The following MRS2 variants were observed in gnomAD, a reference collection of about 807,000 sequenced individuals.
MRS2 encodes the protein magnesium transporter MRS2 homolog, mitochondrial.
A neutral mutation model predicts 52.6 loss-of-function variants in MRS2; 40 were observed. The observed-to-expected ratio is 0.76, with a 90% CI of 0.59 to 0.99. The LOEUF (loss-of-function observed/expected upper bound fraction) is 0.99, where lower values mean the gene tolerates loss of function less well. Among genes scored for constraint, MRS2 ranks in the 50% least tolerant of loss-of-function variants. The probability of loss-of-function intolerance (pLI) is 0.00; values close to 1 mark genes in which losing one functional copy is unlikely to be tolerated. For missense variants in MRS2, 472 were observed against 532.7 expected (o/e 0.89, Z 1.12); for synonymous variants, 193 against 195.9 (o/e 0.98, Z 0.13).
Position 24,424,589 on chromosome 6 carries a change from A to G in MRS2, c.*895A>G, listed in dbSNP as rs1275593626. ...CTCATTTCCACAGAGATTTGGGTTTAAAACAAATGGCTAATATTTGTAAGC... is the reference window on the plus strand; with the variant it reads ...CTCATTTCCACAGAGATTTGGGTTTGAAACAAATGGCTAATATTTGTAAGC... On this transcript the variant is annotated 3_prime_UTR_variant, in exon 11 of 11. Coordinates refer to ENST00000378386, the MANE Select transcript of MRS2 (RefSeq NM_020662.4). 1 of 152,204 alleles carries G rather than the reference A, an allele frequency of 6.6e-6. No individual in the cohort carries two copies. The allele number at this position is 152,204 out of a possible 1,614,324, so 9.4% of individuals were successfully genotyped here.
intron 7 of MRS2, among the ~76,000 whole-genome samples, 165 bp from the exon 8 acceptor site, chr6:24,417,919 G>A (rs1038479066): frequency 6.7e-6 from 1 of 148,630 alleles, no homozygotes; most frequent in Non-Finnish European, 1.5e-5. Context: ...TCCAGCCTGG[G>A]AGCAGAGTGA....
intron 4 of MRS2, chr6:24,410,771 CAG>C (rs1761621761): frequency 2.0e-6 from 3 of 1,529,006 alleles, no homozygotes; most frequent in Non-Finnish European, 2.6e-6. Context: ...TTCTTCAAAA[CAG>C]TGTCTCTTTC....
intron 1 of MRS2, among the ~76,000 whole-genome samples, chr6:24,404,526 G>C (rs1581692873): frequency 6.6e-6 from 1 of 152,200 alleles, no homozygotes; most frequent in African/African-American, 2.4e-5. Flanking sequence ...ACAAAACAGT[G>C]TCCTCTGTCA....
At chr6:24,418,280 T>C (rs1167692023) in intron 8 of MRS2, 44 bp downstream of exon 8, 2 of 1,380,856 alleles carry the variant, frequency 1.4e-6, no homozygotes, top group African/African-American at 2.9e-5. Flanking sequence ...AATAAAATAA[T>C]TATAAGAAAG....
In MRS2 at chr6:24,412,308, C is replaced by G; in HGVS notation, c.501C>G (p.Leu167=). 1 of 1,604,130 alleles carries G rather than the reference C, an allele frequency of 6.2e-7. No homozygotes were observed. The highest frequency in any genetic ancestry group is 2.3e-5 in the East Asian group (1 of 44,236). The change falls in exon 5 of 11, where the codon CTC becomes CTG. Residue 167 remains leucine, a synonymous_variant. Transcript: ENST00000378386. ...TAGAGCAATGGCTGTTCCGGGAACT[C>G]CCTTCACAGTTGTCTGGAGAGGGTC... ...LNLEQWLFRE[L]PSQLSGEGQL... is the part of the protein sequence containing the mutation.
Position 24,405,259 on chromosome 6 carries a change from A to G in MRS2, c.264+18A>G. The G allele has an allele frequency of 6.3e-7, 1 of 1,586,776 alleles. No homozygotes were observed. The highest frequency in any genetic ancestry group is 8.6e-7 in the Non-Finnish European group (1 of 1,157,614). On this transcript the variant is annotated intron_variant, in intron 2 of 10. Coordinates refer to ENST00000378386, the MANE Select transcript of MRS2 (RefSeq NM_020662.4). The stretch of plus-strand genomic sequence containing the variant: ...TTACTGTGGTGAGTATGTACAGTAC[A>G]TTGGAAATCGTACAGAAAGTGCTTC...
intron 1 of MRS2, 135 bp from the exon 2 acceptor site, chr6:24,405,033 C>G (rs1342045669): frequency 1.7e-6 from 1 of 584,958 alleles, no homozygotes; most frequent in African/African-American, 1.9e-5. Context: ...AAGAGTATTT[C>G]TTCTTTTCTT....
chr6:24,405,527 C>T (rs1761438537), intron 2 of MRS2, among the ~76,000 whole-genome samples: 2 of 151,576 alleles, frequency 1.3e-5, no homozygotes, highest in South Asian at 2.1e-4. Flanking sequence ...AGATAATACG[C>T]AGGCAGAAGC....
chr6:24,409,467 A>G lies in MRS2; in HGVS notation c.308A>G (p.Lys103Arg). 6.3e-7 allele frequency: 1 copy of G among 1,597,056 alleles called. No homozygotes were observed. Among genetic ancestry groups the G allele is most frequent in the Non-Finnish European group, 8.6e-7 (1 of 1,168,592 alleles). ...KQGNVTSFER[K>R]KTELYQELGL... ...CTGTTTATTTCTTTTATAGAAAGGAAGAAAACTGAATTATACCAAGAGTTA... is the reference window on the plus strand; with the variant it reads ...CTGTTTATTTCTTTTATAGAAAGGAGGAAAACTGAATTATACCAAGAGTTA... The change falls in exon 4 of 11, where the codon AAG becomes AGG. Residue 103 changes from lysine (K) to arginine (R), a missense_variant. Physicochemically the swap from Lys to Arg is conservative, Grantham distance 26. Coordinates refer to ENST00000378386, the MANE Select transcript of MRS2 (RefSeq NM_020662.4).
chr6:24,404,313 A>T (rs972364597), intron 1 of MRS2, among the ~76,000 whole-genome samples: 8 of 152,234 alleles, frequency 5.3e-5, no homozygotes, highest in Non-Finnish European at 8.8e-5. Context: ...ACATTAAAAC[A>T]TTGAAAGGCA....
At chr6:24,418,672 GT>G (rs1761941130) in intron 9 of MRS2, 94 bp downstream of exon 9, 2 of 927,522 alleles carry the variant, frequency 2.2e-6, no homozygotes, top group Non-Finnish European at 3.4e-6. Context: ...GCTGAGGCAG[GT>G]GGATCACCTG....
At position 24,426,139 on chromosome 6, in the gene MRS2, A is replaced by G. The variant is rs1762230390; in HGVS notation, c.*2445A>G. The G allele has an allele frequency of 1.3e-5, 2 of 152,252 alleles. No individual in the cohort carries two copies. Among genetic ancestry groups the G allele is most frequent in the African/African-American group, 4.8e-5 (2 of 41,464 alleles). 9.4% of individuals were successfully genotyped at this position (152,252 alleles called of 1,614,324 possible). ...CAGATAGTAGCAAGACAGAAAATGC[A>G]AATATGTAAATGTCTTCTGATATCT... On this transcript the variant is annotated 3_prime_UTR_variant, in exon 11 of 11. Transcript: ENST00000378386.
chr6:24,415,072 C>T lies in MRS2; in HGVS notation c.628C>T (p.Leu210=), dbSNP rs1352795493. The change falls in exon 6 of 11, where the codon CTG becomes TTG. Residue 210 remains leucine (L), a synonymous_variant. Transcript: ENST00000378386. ...LQGKLSILQP[L]ILETLDALVD... ...GGGGAAACTTAGCATTTTGCAGCCA[C>T]TGATCCTTGAGACCTTGGATGCTTT... is the stretch of plus-strand genomic sequence containing the variant. 2 of 1,611,708 alleles carry T rather than the reference C, an allele frequency of 1.2e-6. No homozygotes were observed. Among genetic ancestry groups the T allele is most frequent in the Admixed American group, 3.3e-5 (2 of 59,994 alleles).
chr6:24,413,469 C>G (rs1400428322), intron 5 of MRS2, among the ~76,000 whole-genome samples: 1 of 152,132 alleles, frequency 6.6e-6, no homozygotes, highest in Admixed American at 6.5e-5. Context: ...CTCCCCAAAC[C>G]CACCTAAGGG....
rs766106797 is a variant in MRS2, at chr6:24,412,203, G to GGTT, written c.415-19_415-18insGTT. The GGTT allele has an allele frequency of 5.7e-6, 7 of 1,220,976 alleles. No homozygotes were observed. In the East Asian group the frequency reaches 1.8e-4, roughly 31 times the overall value. 75.6% of individuals were successfully genotyped at this position (1,220,976 alleles called of 1,614,324 possible). A position where few individuals can be genotyped will look rare whatever the true frequency, so the allele number is the denominator to read the frequency against. On this transcript the variant is annotated intron_variant, in intron 4 of 10. Transcript: ENST00000378386. ...TACACTCACATATTTATATGTTTTG[G>GGTT]TTTTTTTTTTTTTAACAGTATTTGA...
At chr6:24,409,651 C>T in intron 4 of MRS2, 78 bp downstream of exon 4, 1 of 871,814 alleles carries the variant, frequency 1.1e-6, no homozygotes, top group Non-Finnish European at 1.8e-6. Context: ...TGATTAGTAT[C>T]TAGGTTAAAA....
At chr6:24,407,221 G>A (rs1467773212) in intron 2 of MRS2, among the ~76,000 whole-genome samples, 5 of 152,044 alleles carry the variant, frequency 3.3e-5, no homozygotes, top group Non-Finnish European at 7.4e-5. Context: ...TTTCTGCAGT[G>A]GGTTTATGTA....
chr6:24,419,069 C>T (rs898820128), intron 9 of MRS2: 1 of 154,296 alleles, frequency 6.5e-6, no homozygotes, highest in Non-Finnish European at 1.4e-5. Flanking sequence ...AACCCTGTCT[C>T]TACTAAAAAT....
chr6:24,410,303 C>T (rs1248328742), intron 4 of MRS2, among the ~76,000 whole-genome samples: 2 of 152,044 alleles, frequency 1.3e-5, no homozygotes, highest in Non-Finnish European at 2.9e-5. Flanking sequence ...TAATGGAAAA[C>T]TTTCTGAAAT....
Sources: gnomAD v4.1 joint callset for allele counts (sites outside exome capture counted in the v4.1 genomes callset) on GRCh38, gnomAD v4.1.1 for gene constraint, MANE v1.5 for transcripts, NCBI Gene and HGNC (gene_info 2026-07-23, HGNC 2026-07-21) for gene names.